The following USP28 variants were observed in gnomAD, a reference collection of about 807,000 sequenced individuals.
The protein encoded by USP28 is ubiquitin carboxyl-terminal hydrolase 28.
USP28 carries 113 observed loss-of-function variants against 145.0 expected under a neutral mutation model. That is an observed-to-expected ratio of 0.78 (90% CI 0.67 to 0.91). The LOEUF is 0.91. Among genes scored for constraint, USP28 ranks in the 40% least tolerant of loss-of-function variants. The pLI, the probability that USP28 is intolerant of heterozygous loss-of-function variation, is 0.00. For synonymous variants in USP28, 447 were observed against 450.9 expected, an observed-to-expected ratio of 0.99 and a Z score of 0.11; for missense variants, 1,201 against 1,289.6, an observed-to-expected ratio of 0.93 and a Z score of 1.05.
At chr11:113,867,120 CA>C (rs1249631272) in intron 1 of USP28, among the ~76,000 whole-genome samples, 2 of 152,118 alleles carry the variant, frequency 1.3e-5, no homozygotes, top group Non-Finnish European at 2.9e-5. Context: ...TTGGTATTGC[CA>C]GGGGTGGAGG....
At chr11:113,854,829 C>T (rs1255769577) in intron 1 of USP28, among the ~76,000 whole-genome samples, 2 of 152,132 alleles carry the variant, frequency 1.3e-5, no homozygotes, top group South Asian at 2.1e-4. Context: ...TTGGTACTTA[C>T]GAAAGAAATA....
rs988668845 is a variant in USP28, at chr11:113,874,441, A to C, written c.57+1004T>G. ...CTCTGTCGAAAAAAAAAAAAAAAAAAAAAAAAAAGTGTCTCCATGCTAAAT... is the reference window on the plus strand; with the variant it reads ...CTCTGTCGAAAAAAAAAAAAAAAAACAAAAAAAAGTGTCTCCATGCTAAAT... On this transcript the variant is annotated intron_variant, in intron 1 of 24. Coordinates refer to ENST00000003302, the Ensembl canonical transcript of USP28. 4 of 1,112,928 alleles carry C rather than the reference A, an allele frequency of 3.6e-6. No homozygotes were observed. The African/African-American group carries it at 6.6e-5, about 18-fold the overall frequency. 68.9% of individuals were successfully genotyped at this position (1,112,928 alleles called of 1,614,324 possible). A position where few individuals can be genotyped will look rare whatever the true frequency, so the allele number is the denominator to read the frequency against.
chr11:113,845,249 G>A (rs572603175), intron 3 of USP28, among the ~76,000 whole-genome samples: 10 of 151,978 alleles, frequency 6.6e-5, no homozygotes, highest in African/African-American at 2.4e-4. Context: ...GACCAGCCTG[G>A]GCAACATGGT....
exon 24 of USP28, chr11:113,801,638 T>G (rs754740202): frequency 6.3e-7 from 1 of 1,583,106 alleles, no homozygotes; most frequent in Non-Finnish European, 8.6e-7. Context: ...GGAGTGATCA[T>G]CATTTGTTTC....
chr11:113,802,839 A>G (rs1260656607), intron 23 of USP28, among the ~76,000 whole-genome samples: 1 of 152,214 alleles, frequency 6.6e-6, no homozygotes, highest in Non-Finnish European at 1.5e-5. Flanking sequence ...CTGAGTGAGA[A>G]AAGGATCTGA....
chr11:113,845,268 G>A (rs1323927088), intron 3 of USP28, among the ~76,000 whole-genome samples: 1 of 151,710 alleles, frequency 6.6e-6, no homozygotes, highest in African/African-American at 2.4e-5. Context: ...GTGAAACACC[G>A]TCTCTACTAA....
At chr11:113,849,692 T>C (rs572496998) in intron 3 of USP28, among the ~76,000 whole-genome samples, 38 of 152,254 alleles carry the variant, frequency 2.5e-4, no homozygotes, top group Non-Finnish European at 5.0e-4. Flanking sequence ...AGTCTAGACA[T>C]GTTCCTTTTC....
intron 1 of USP28, chr11:113,874,621 G>C (rs1290750391): frequency 1.6e-6 from 2 of 1,288,364 alleles, no homozygotes; most frequent in African/African-American, 3.0e-5. Context: ...TTGAAAAAGT[G>C]CAGTACTTGA....
At chr11:113,808,245 A>G (rs1940361259) in intron 18 of USP28, 53 bp downstream of exon 18, 1 of 1,587,446 alleles carries the variant, frequency 6.3e-7, no homozygotes, top group Non-Finnish European at 8.6e-7. Context: ...AAAACTGGCC[A>G]TCGCTGCTGA....
chr11:113,873,489 G>A (rs1455594164), intron 1 of USP28, among the ~76,000 whole-genome samples: 1 of 152,136 alleles, frequency 6.6e-6, no homozygotes, highest in Admixed American at 6.5e-5. Flanking sequence ...AGTCTCAAAC[G>A]GAGAATGCTG....
intron 12 of USP28, chr11:113,820,393 G>A (rs1254445076): frequency 6.6e-6 from 1 of 152,120 alleles, no homozygotes; most frequent in African/African-American, 2.4e-5. Flanking sequence ...GTTAGGAATG[G>A]GACCATATAA....
chr11:113,812,225 T>C, intron 16 of USP28, 51 bp downstream of exon 16: 1 of 1,407,914 alleles, frequency 7.1e-7, no homozygotes, highest in Non-Finnish European at 1.0e-6. Flanking sequence ...TTCTTCTCCC[T>C]GAGCAGTACA....
chr11:113,858,270 C>G (rs1012317751), intron 1 of USP28, among the ~76,000 whole-genome samples: 1 of 152,116 alleles, frequency 6.6e-6, no homozygotes, highest in Non-Finnish European at 1.5e-5. Flanking sequence ...AATCCAAATT[C>G]CTCATCTTGT....
intron 10 of USP28, 119 bp from the exon 11 acceptor site, chr11:113,827,479 G>A: frequency 9.5e-7 from 1 of 1,051,724 alleles, no homozygotes; most frequent in Non-Finnish European, 1.3e-6. Context: ...TATACTCAAG[G>A]CAAACTCATA....
Position 113,823,600 on chromosome 11 carries a change from C to CTTT in USP28, c.1283+4_1283+5insAAA. On this transcript the variant is annotated splice_donor_region_variant and intron_variant, in intron 12 of 24. Transcript: ENST00000003302. Reference sequence around the variant, plus strand: ...TTTCTAAGCATGAAGGTGTCCAAAACTCACCTTTCCAATTTTTGCTGCAGA... The same window carrying CTTT: ...TTTCTAAGCATGAAGGTGTCCAAAACTTTTCACCTTTCCAATTTTTGCTGCAGA... The CTTT allele has an allele frequency of 6.2e-7, 1 of 1,605,100 alleles. No homozygotes were observed. The highest frequency in any genetic ancestry group is 1.3e-5 in the African/African-American group (1 of 74,824).
intron 4 of USP28, 24 bp from the exon 5 acceptor site, chr11:113,840,781 AG>A: frequency 6.3e-7 from 1 of 1,591,684 alleles, no homozygotes; most frequent in Non-Finnish European, 8.5e-7. Flanking sequence ...CGTGCCACAC[AG>A]CAAAAAAGAA....
At chr11:113,875,108 G>C (rs1949241141) in intron 1 of USP28, among the ~76,000 whole-genome samples, 1 of 152,186 alleles carries the variant, frequency 6.6e-6, no homozygotes, top group Non-Finnish European at 1.5e-5. Context: ...TGCCGCTTTC[G>C]GAAGTTTCTC....
chr11:113,861,689 TTC>T (rs1433209885), intron 1 of USP28, among the ~76,000 whole-genome samples: 1 of 152,206 alleles, frequency 6.6e-6, no homozygotes. Flanking sequence ...CATTAACAGT[TTC>T]TGTTATCTTT....
At chr11:113,808,061 C>A (rs1238237196) in intron 18 of USP28, 1 of 1,360,808 alleles carries the variant, frequency 7.3e-7, no homozygotes, top group Non-Finnish European at 9.5e-7. Context: ...GCATCATTAG[C>A]CTTTGGGGGC....
Sources: gnomAD v4.1 joint callset for allele counts (sites outside exome capture counted in the v4.1 genomes callset) on GRCh38, gnomAD v4.1.1 for gene constraint, MANE v1.5 for transcripts, NCBI Gene and HGNC (gene_info 2026-07-23, HGNC 2026-07-21) for gene names.